The following GNAQ variants were observed in gnomAD, a reference collection of about 807,000 sequenced individuals.
GNAQ encodes G protein subunit alpha q, also known as guanine nucleotide-binding protein G(q) subunit alpha.
A neutral mutation model predicts 43.9 loss-of-function variants in GNAQ; 8 were observed. That is an observed-to-expected ratio of 0.18 (90% CI 0.11 to 0.33). The LOEUF (loss-of-function observed/expected upper bound fraction) is 0.33, where lower values mean the gene tolerates loss of function less well. GNAQ is among the 10% of genes least tolerant of loss of function. The probability of loss-of-function intolerance (pLI) is 1.00; values close to 1 mark genes in which losing one functional copy is unlikely to be tolerated. For synonymous variants in GNAQ, 155 were observed against 170.7 expected (o/e 0.91, Z 0.71); for missense variants, 158 against 450.8 (o/e 0.35, Z 5.88).
chr9:77,987,544 A>C (rs979151412), intron 1 of GNAQ, among the ~76,000 whole-genome samples: 17 of 152,176 alleles, frequency 1.1e-4, no homozygotes, highest in African/African-American at 3.9e-4. Flanking sequence ...ATCTCTCGGC[A>C]ATCCACCTGC....
intron 2 of GNAQ, among the ~76,000 whole-genome samples, chr9:77,890,541 T>A (rs367969385): frequency 6.6e-6 from 1 of 152,000 alleles, no homozygotes; most frequent in African/African-American, 2.4e-5. Context: ...CTGACCAACA[T>A]GGAGAAACCC....
chr9:77,757,045 C>T (rs1211001478), intron 5 of GNAQ, among the ~76,000 whole-genome samples: 2 of 152,154 alleles, frequency 1.3e-5, no homozygotes, highest in Non-Finnish European at 2.9e-5. Flanking sequence ...GGATCAAATC[C>T]TTAAATTAAA....
chr9:77,865,735 TA>T (rs1281004849), intron 2 of GNAQ, among the ~76,000 whole-genome samples: 3 of 152,136 alleles, frequency 2.0e-5, no homozygotes, highest in African/African-American at 7.2e-5. Context: ...CTTTCACCCG[TA>T]AAAAAGGAAA....
intron 1 of GNAQ, among the ~76,000 whole-genome samples, chr9:77,985,960 T>G (rs989448664): frequency 8.5e-5 from 13 of 152,130 alleles, no homozygotes; most frequent in African/African-American, 3.1e-4. Flanking sequence ...AAAGACTTTT[T>G]TTTCCTTTTT....
chr9:77,801,084 G>A (rs76941156), intron 3 of GNAQ, among the ~76,000 whole-genome samples: 4,000 of 152,270 alleles, frequency 0.026, 142 homozygotes, highest in African/African-American at 0.085. Flanking sequence ...GTTTTCTGGA[G>A]ATGAACCTAA....
In GNAQ at chr9:78,031,107, C is replaced by G. The variant is rs1447347266; in HGVS notation, c.129G>C (p.Leu43=). Residue 43 remains leucine (L), a synonymous_variant, in exon 1 of 7, where the codon CTG becomes CTC. Coordinates refer to ENST00000286548, the MANE Select transcript of GNAQ (RefSeq NM_002072.5). The part of the protein sequence containing the change: ...KRDARRELKL[L]LLGTGESGKS... ...GCCCCGGACGGTACTCACCGAGCAG[C>G]AGCAGCTTGAGCTCCCGGCGGGCGT... is the stretch of plus-strand genomic sequence containing the variant. The G allele has an allele frequency of 6.6e-7, 1 of 1,525,256 alleles. No homozygotes were observed. The highest frequency in any genetic ancestry group is 8.8e-7 in the Non-Finnish European group (1 of 1,136,350). 94.5% of individuals were successfully genotyped at this position (1,525,256 alleles called of 1,614,324 possible). A position where few individuals can be genotyped will look rare whatever the true frequency, so the allele number is the denominator to read the frequency against.
At chr9:77,760,980 C>G (rs1191177963) in intron 5 of GNAQ, among the ~76,000 whole-genome samples, 1 of 151,244 alleles carries the variant, frequency 6.6e-6, no homozygotes, top group East Asian at 2.0e-4. Context: ...GCAACCGCCC[C>G]GTCTGAGAAG....
chr9:77,973,088 T>C (rs780980356), intron 1 of GNAQ, among the ~76,000 whole-genome samples: 2 of 151,888 alleles, frequency 1.3e-5, no homozygotes, highest in Non-Finnish European at 2.9e-5. Flanking sequence ...AATCTATATG[T>C]TTAGTGTGAT....
chr9:77,956,365 A>T (rs1182953116), intron 1 of GNAQ, among the ~76,000 whole-genome samples: 4 of 152,158 alleles, frequency 2.6e-5, no homozygotes, highest in African/African-American at 9.7e-5. Context: ...TCTTGTTATG[A>T]CCCTGTTGTG....
chr9:77,866,081 G>T (rs10735654), intron 2 of GNAQ, among the ~76,000 whole-genome samples: 123,533 of 152,208 alleles, frequency 0.81, 50,458 homozygotes, highest in African/African-American at 0.89. Context: ...TTGTGTTTCA[G>T]TCTAATATTC....
In GNAQ at chr9:77,798,093, T is replaced by C. The variant is rs536498573; in HGVS notation, c.477-445A>G. On this transcript the variant is annotated intron_variant, in intron 3 of 6. Transcript: ENST00000286548. Reference sequence around the variant, plus strand: ...TTTTTGCAGAACATCAGAGTCTTCCTGGAATGAATTTCACTATTCTCCTAA... The same window carrying C: ...TTTTTGCAGAACATCAGAGTCTTCCCGGAATGAATTTCACTATTCTCCTAA... Among the ~76,000 whole-genome samples, 33 of 152,290 alleles carry C rather than the reference T, an allele frequency of 2.2e-4. No individual in the cohort carries two copies. In the South Asian group the frequency reaches 6.6e-3, roughly 31 times the overall value.
At chr9:77,966,134 A>G (rs756654643) in intron 1 of GNAQ, among the ~76,000 whole-genome samples, 7 of 152,160 alleles carry the variant, frequency 4.6e-5, no homozygotes, top group South Asian at 2.1e-4. Flanking sequence ...GTAAGTCTGC[A>G]GTGACAGGAA....
At position 78,031,703 on chromosome 9, in the gene GNAQ, G is replaced by A. The variant is rs1474046706; in HGVS notation, c.-468C>T. Among the ~76,000 whole-genome samples the A allele has an allele frequency of 6.8e-6, 1 of 147,284 alleles. No individual in the cohort carries two copies. The highest frequency in any genetic ancestry group is 1.5e-5 in the Non-Finnish European group (1 of 66,190). On this transcript the variant is annotated 5_prime_UTR_variant, in exon 1 of 7. Transcript: ENST00000286548. ...GGCCGCCGACGGCTCCCCGCGCCCG[G>A]CGCGCCCGCTCCTCGCCGCCGCCTG...
intron 5 of GNAQ, among the ~76,000 whole-genome samples, chr9:77,764,137 C>T (rs1213996427): frequency 6.6e-6 from 1 of 152,100 alleles, no homozygotes; most frequent in South Asian, 2.1e-4. Context: ...TACTCCTAAA[C>T]AAGAAAGTGA....
intron 2 of GNAQ, among the ~76,000 whole-genome samples, chr9:77,865,398 A>C (rs1181210921): frequency 6.6e-6 from 1 of 152,278 alleles, no homozygotes; most frequent in Non-Finnish European, 1.5e-5. Flanking sequence ...TCTGTATCAC[A>C]TAATCTGTAT....
chr9:77,906,633 A>C (rs1488460843), intron 2 of GNAQ, among the ~76,000 whole-genome samples: 1 of 152,232 alleles, frequency 6.6e-6, no homozygotes, highest in Non-Finnish European at 1.5e-5. Flanking sequence ...TGAAATCTCC[A>C]AATTTCCAAG....
intron 2 of GNAQ, among the ~76,000 whole-genome samples, chr9:77,863,366 GTCACC>G (rs953168694): frequency 1.1e-4 from 17 of 152,274 alleles, no homozygotes; most frequent in African/African-American, 3.1e-4. Context: ...CATAACAAGA[GTCACC>G]TTTGCTCCAG....
At chr9:77,962,908 A>C (rs1417112903) in intron 1 of GNAQ, among the ~76,000 whole-genome samples, 2 of 151,874 alleles carry the variant, frequency 1.3e-5, no homozygotes, top group East Asian at 1.9e-4. Flanking sequence ...AAAAAAAAAA[A>C]AAAAAAACAG....
At chr9:77,877,242 T>C (rs889911072) in intron 2 of GNAQ, among the ~76,000 whole-genome samples, 9 of 152,214 alleles carry the variant, frequency 5.9e-5, no homozygotes, top group South Asian at 2.1e-4. Flanking sequence ...TGTACTCATA[T>C]AATTTGTTTA....
Sources: allele counts gnomAD v4.1 joint callset (sites outside exome capture counted in the v4.1 genomes callset), GRCh38; gene constraint gnomAD v4.1.1; transcripts MANE v1.5; gene names NCBI Gene and HGNC (gene_info 2026-07-23, HGNC 2026-07-21).